DCLK3: variants seen among roughly 807,000 people sequenced by gnomAD.
DCLK3 encodes serine/threonine-protein kinase DCLK3.
In DCLK3, 30 loss-of-function variants were observed where a neutral mutation model predicts 46.4. The observed-to-expected ratio is 0.65, with a 90% CI of 0.48 to 0.88. DCLK3 has a LOEUF of 0.88. Ranked by LOEUF, DCLK3 falls within the 40% of genes least tolerant of loss-of-function variation. The probability of loss-of-function intolerance (pLI) is 0.00; values close to 1 mark genes in which losing one functional copy is unlikely to be tolerated. For missense variants in DCLK3, 846 were observed against 907.1 expected (o/e 0.93, Z 0.87); for synonymous variants, 401 against 339.2 (o/e 1.18, Z -2.00).
At chr3:36,747,952 T>A (rs528906356) in intron 1 of DCLK3, among the ~76,000 whole-genome samples, 30 of 152,260 alleles carry the variant, frequency 2.0e-4, no homozygotes, top group Non-Finnish European at 4.3e-4. Flanking sequence ...CCATAGAATA[T>A]CTCTTGCTTT....
rs1701114755 is a variant in DCLK3 at position 36,725,360 on chromosome 3, T to C, written c.1960-3701A>G. ...GGGCAGGTGCAGTGGCTTACATCTG[T>C]AATCCCAGCTCTTTGGGAGGCCAAG... On this transcript the variant is annotated intron_variant, in intron 2 of 4. Transcript: ENST00000636136. Among the ~76,000 whole-genome samples, 3 of 150,292 alleles carry C rather than the reference T, an allele frequency of 2.0e-5. No individual in the cohort carries two copies. In the South Asian group the frequency reaches 6.3e-4, roughly 32 times the overall value.
rs553870793 is a variant in DCLK3 at position 36,738,362 on chromosome 3, A to T, written c.805T>A (p.Trp269Arg). 1 of 1,491,668 alleles carries T rather than the reference A, an allele frequency of 6.7e-7. No individual in the cohort carries two copies. The highest frequency in any genetic ancestry group is 1.4e-5 in the South Asian group (1 of 69,700). 92.4% of individuals were successfully genotyped at this position (1,491,668 alleles called of 1,614,324 possible). A position where few individuals can be genotyped will look rare whatever the true frequency, so the allele number is the denominator to read the frequency against. Reference protein sequence around the residue: ...RTQKKWGRGKWEPEPSSKPPR... With the variant: ...RTQKKWGRGKREPEPSSKPPR... ...GGCTTGCTACTGGGTTCTGGCTCCC[A>T]TTTCCCCCTCCCCCACTTCTTCTGG... Residue 269 changes from tryptophan to arginine, a missense_variant, in exon 2 of 5, where the codon TGG becomes AGG. By Grantham distance (101) the Trp-to-Arg change is moderately radical. Around this residue, in one of 3 missense-constraint regions of DCLK3, gnomAD observed 553 missense variants for 543.0 expected, o/e 1.02. Coordinates refer to ENST00000636136, the MANE Select transcript of DCLK3 (RefSeq NM_001394672.2).
At chr3:36,749,415 A>C (rs533405530) in intron 1 of DCLK3, among the ~76,000 whole-genome samples, 1 of 152,324 alleles carries the variant, frequency 6.6e-6, no homozygotes, top group Admixed American at 6.5e-5. Flanking sequence ...ACTTTAAAAC[A>C]CACTAGGCTA....
Position 36,712,836 on chromosome 3 carries a change from C to G in DCLK3, c.*2492G>C. Reference sequence around the variant, plus strand: ...ATATACAATCTGTTTATCCATGCACCAAATCATGCCCATTCAAGATGTTTC... The same window carrying G: ...ATATACAATCTGTTTATCCATGCACGAAATCATGCCCATTCAAGATGTTTC... On this transcript the variant is annotated 3_prime_UTR_variant, in exon 5 of 5. Coordinates refer to ENST00000636136, the MANE Select transcript of DCLK3 (RefSeq NM_001394672.2). 6.6e-6 allele frequency: 1 copy of G among 152,106 alleles called. No individual in the cohort carries two copies. Among genetic ancestry groups the G allele is most frequent in the East Asian group, 1.9e-4 (1 of 5,200 alleles). 9.4% of individuals were successfully genotyped at this position (152,106 alleles called of 1,614,324 possible).
rs1180959933 is a variant in DCLK3 at position 36,737,904 on chromosome 3, G to A, written c.1263C>T (p.Val421=). The A allele has an allele frequency of 6.2e-7, 1 of 1,613,998 alleles. No homozygotes were observed. The highest frequency in any genetic ancestry group is 8.5e-7 in the Non-Finnish European group (1 of 1,180,028). Residue 421 remains valine, a synonymous_variant, in exon 2 of 5, where the codon GTC becomes GTT. Coordinates refer to ENST00000636136, the MANE Select transcript of DCLK3 (RefSeq NM_001394672.2). The surrounding 1 kb of genome is among the most constrained non-coding windows in gnomAD (Gnocchi z 4.4). ...AKKDLVEVLP[V]TEEGLREVKK... ...TCACCTCCCTCAGCCCCTCCTCTGT[G>A]ACAGGAAGAACTTCCACAAGGTCCT...
At chr3:36,728,990 C>T (rs1373033903) in intron 2 of DCLK3, among the ~76,000 whole-genome samples, 1 of 152,146 alleles carries the variant, frequency 6.6e-6, no homozygotes, top group East Asian at 1.9e-4. Context: ...ACAGAATCTG[C>T]ATTTCCTCAC....
At chr3:36,727,197 G>A (rs7632693) in intron 2 of DCLK3, among the ~76,000 whole-genome samples, 51,096 of 152,074 alleles carry the variant, frequency 0.34, 9,525 homozygotes, top group Non-Finnish European at 0.43. Context: ...GCTGAGGCAG[G>A]AGAATCACTT....
rs1701566265 is a variant in DCLK3, at chr3:36,764,308, C to G, written c.-45G>C. ...GGAGAGCCTGGAGCAGAGGTGGCAG[C>G]GCGGGGACGCGGCTCGACGGTCGAG... is the stretch of plus-strand genomic sequence containing the variant. On this transcript the variant is annotated 5_prime_UTR_variant, in exon 1 of 5. Coordinates refer to ENST00000636136, the MANE Select transcript of DCLK3 (RefSeq NM_001394672.2). The surrounding 1 kb of genome is among the most constrained non-coding windows in gnomAD (Gnocchi z 4.9). 4.6e-6 allele frequency: 1 copy of G among 218,888 alleles called. No homozygotes were observed. Among genetic ancestry groups the G allele is most frequent in the South Asian group, 1.6e-4 (1 of 6,272 alleles). The allele number at this position is 218,888 out of a possible 1,614,324, so 13.6% of individuals were successfully genotyped here. A position where few individuals can be genotyped will look rare whatever the true frequency, so the allele number is the denominator to read the frequency against.
At chr3:36,730,554 T>C (rs1193641676) in intron 2 of DCLK3, among the ~76,000 whole-genome samples, 1 of 152,180 alleles carries the variant, frequency 6.6e-6, no homozygotes, top group African/African-American at 2.4e-5. Flanking sequence ...ATAAGCGTTA[T>C]GAAAAAGTAA....
At chr3:36,754,532 T>G (rs978261255) in intron 1 of DCLK3, among the ~76,000 whole-genome samples, 2 of 152,232 alleles carry the variant, frequency 1.3e-5, no homozygotes, top group African/African-American at 4.8e-5. Context: ...ACATTATTAC[T>G]GACAAGTTTC....
intron 1 of DCLK3, among the ~76,000 whole-genome samples, chr3:36,740,443 A>G (rs1048570310): frequency 6.6e-5 from 10 of 152,222 alleles, no homozygotes; most frequent in African/African-American, 1.9e-4. Flanking sequence ...ATTCACTTGC[A>G]TTAGAGTTAG....
At chr3:36,751,389 C>T (rs1701440380) in intron 1 of DCLK3, among the ~76,000 whole-genome samples, 2 of 152,182 alleles carry the variant, frequency 1.3e-5, no homozygotes, top group Admixed American at 1.3e-4. Context: ...CCCAGGATAG[C>T]TGTAAAGATT....
At chr3:36,763,818 C>A (rs1701559758) in intron 1 of DCLK3, among the ~76,000 whole-genome samples, 1 of 152,238 alleles carries the variant, frequency 6.6e-6, no homozygotes, top group South Asian at 2.1e-4. Context: ...TGTCAGCTCC[C>A]TCCCTGCGCC....
At chr3:36,757,694 T>C (rs1412145585) in intron 1 of DCLK3, among the ~76,000 whole-genome samples, 2 of 152,182 alleles carry the variant, frequency 1.3e-5, no homozygotes, top group Non-Finnish European at 2.9e-5. Flanking sequence ...TGAGAAAAGA[T>C]GGGATGGTGA....
Position 36,715,302 on chromosome 3 carries a change from G to T in DCLK3, c.*26C>A. 6.2e-7 allele frequency: 1 copy of T among 1,613,344 alleles called. No individual in the cohort carries two copies. Among genetic ancestry groups the T allele is most frequent in the Non-Finnish European group, 8.5e-7 (1 of 1,179,684 alleles). On this transcript the variant is annotated 3_prime_UTR_variant, in exon 5 of 5. Coordinates refer to ENST00000636136, the MANE Select transcript of DCLK3 (RefSeq NM_001394672.2). ...TTCTCTGTCCTTGAGCAGAACTGGG[G>T]GCTGGACAGATTCCCAAGGTGGTGA...
chr3:36,715,833 T>C (rs1015824808), intron 4 of DCLK3, among the ~76,000 whole-genome samples: 3 of 152,212 alleles, frequency 2.0e-5, no homozygotes, highest in Non-Finnish European at 4.4e-5. Context: ...GGGGTTACCA[T>C]GTTGGACAGC....
At chr3:36,725,052 T>C (rs949304041) in intron 2 of DCLK3, among the ~76,000 whole-genome samples, 8 of 151,052 alleles carry the variant, frequency 5.3e-5, no homozygotes, top group East Asian at 3.9e-4. Context: ...CGGTGGCTCA[T>C]GCCTGTAATC....
At chr3:36,715,550 G>C (rs994849741) in intron 4 of DCLK3, 29 bp from the exon 5 acceptor site, 1 of 1,512,598 alleles carries the variant, frequency 6.6e-7, no homozygotes, top group Non-Finnish European at 8.8e-7. Context: ...GGGAAAATGT[G>C]ATGAATGCAG....
chr3:36,722,231 C>T (rs138145116), intron 2 of DCLK3, among the ~76,000 whole-genome samples: 103 of 152,012 alleles, frequency 6.8e-4, no homozygotes, highest in African/African-American at 1.1e-3. Flanking sequence ...GAGATAGGGA[C>T]GGTTAATTGG....
Sources: allele counts gnomAD v4.1 joint callset (sites outside exome capture counted in the v4.1 genomes callset), GRCh38; gene constraint gnomAD v4.1.1; regional missense constraint gnomAD v4.1.1; non-coding constraint Gnocchi (gnomAD v3.1); transcripts MANE v1.5; gene names NCBI Gene and HGNC (gene_info 2026-07-23, HGNC 2026-07-21).